Variants in STAT4 observed in about 807,000 individuals in gnomAD.
STAT4 encodes signal transducer and activator of transcription 4.
In STAT4, 42 loss-of-function variants were observed where a neutral mutation model predicts 110.5. The ratio of observed to expected loss-of-function variants is 0.38; its 90% CI spans 0.30 to 0.49. STAT4 has a LOEUF of 0.49. STAT4 is among the 20% of genes least tolerant of loss of function. STAT4 has a pLI of 0.95. For missense variants in STAT4, 632 were observed against 887.9 expected (o/e 0.71, Z 3.66); for synonymous variants, 284 against 302.2 (o/e 0.94, Z 0.63).
intron 4 of STAT4, among the ~76,000 whole-genome samples, chr2:191,074,175 T>A (rs1187234662): frequency 6.6e-6 from 1 of 152,226 alleles, no homozygotes. Flanking sequence ...GCTACTCTAA[T>A]AATCTGATAC....
At chr2:191,120,779 A>T (rs1452137470) in intron 3 of STAT4, among the ~76,000 whole-genome samples, 2 of 152,206 alleles carry the variant, frequency 1.3e-5, no homozygotes, top group African/African-American at 4.8e-5. Context: ...TTAATTCAAG[A>T]TGGATTACTT....
chr2:191,121,668 A>G (rs1698735294), intron 3 of STAT4, among the ~76,000 whole-genome samples: 1 of 151,890 alleles, frequency 6.6e-6, no homozygotes, highest in Non-Finnish European at 1.5e-5. Flanking sequence ...AATTATCGCA[A>G]GGACAAAAAA....
chr2:191,102,511 C>T (rs1003476433), intron 3 of STAT4, among the ~76,000 whole-genome samples: 3 of 152,180 alleles, frequency 2.0e-5, no homozygotes, highest in Non-Finnish European at 4.4e-5. Context: ...CTCACATTCA[C>T]TACAAGCTCC....
rs545386027 is a variant in STAT4, at chr2:191,117,609, G to C, written c.273+29004C>G. Among the ~76,000 whole-genome samples the C allele has an allele frequency of 2.0e-5, 3 of 152,302 alleles. No individual in the cohort carries two copies. Among genetic ancestry groups the C allele is most frequent in the African/African-American group, 7.2e-5 (3 of 41,578 alleles). The stretch of plus-strand genomic sequence containing the variant: ...GATGTGGATTTTAATGACACATAGA[G>C]AAGGACATGGGCTGCAACTTGAAGG... On this transcript the variant is annotated intron_variant, in intron 3 of 23. Transcript: ENST00000392320. This position sits in a 1 kb window ranked among gnomAD's most constrained non-coding sequence, Gnocchi z 5.2.
chr2:191,055,299 T>G (rs1432103616), intron 13 of STAT4, among the ~76,000 whole-genome samples: 4 of 151,226 alleles, frequency 2.6e-5, no homozygotes, highest in Non-Finnish European at 5.9e-5. Flanking sequence ...CCAGGGTTCA[T>G]GCCATTTTCC....
At position 191,035,478 on chromosome 2, in the gene STAT4, T is replaced by C. The variant is rs970234890; in HGVS notation, c.1570+686A>G. Among the ~76,000 whole-genome samples, 2 of 152,232 alleles carry C rather than the reference T, an allele frequency of 1.3e-5. No individual in the cohort carries two copies. Among genetic ancestry groups the C allele is most frequent in the Admixed American group, 1.3e-4 (2 of 15,284 alleles). On this transcript the variant is annotated intron_variant, in intron 17 of 23. Transcript: ENST00000392320. This position sits in a 1 kb window ranked among gnomAD's most constrained non-coding sequence, Gnocchi z 4.7. ...GCCCTAATTTAACTAGAAACGCATATAGATCTAATTTTAACTCTTTTTTTG... is the reference window on the plus strand; with the variant it reads ...GCCCTAATTTAACTAGAAACGCATACAGATCTAATTTTAACTCTTTTTTTG...
At chr2:191,038,115 T>C (rs998716622) in intron 16 of STAT4, among the ~76,000 whole-genome samples, 1 of 152,198 alleles carries the variant, frequency 6.6e-6, no homozygotes, top group Non-Finnish European at 1.5e-5. Context: ...AAGTATCCCA[T>C]CACTCCTTCT....
In STAT4 at chr2:191,043,436, T is replaced by G. The variant is rs115887108; in HGVS notation, c.1252-2288A>C. Among the ~76,000 whole-genome samples, 1 of 152,276 alleles carries G rather than the reference T, an allele frequency of 6.6e-6. No homozygotes were observed. The highest frequency in any genetic ancestry group is 1.5e-5 in the Non-Finnish European group (1 of 68,008). The stretch of plus-strand genomic sequence containing the variant: ...TGGAGTAGAGGAAATGTCAAAGACA[T>G]AAACAAATTGTAATTCTTATATACC... On this transcript the variant is annotated intron_variant, in intron 14 of 23. Transcript: ENST00000392320. The surrounding 1 kb of genome is among the most constrained non-coding windows in gnomAD (Gnocchi z 4.8).
Position 191,057,654 on chromosome 2 carries a change from A to C in STAT4, c.1206+364T>G, listed in dbSNP as rs1430548427. On this transcript the variant is annotated intron_variant, in intron 13 of 23. Coordinates refer to ENST00000392320, the MANE Select transcript of STAT4 (RefSeq NM_003151.4). ...CGCATTGTGGCCTGGGCTGGAGTGC[A>C]CTGGCACGATCTCAGCTCACTGCAA... 2.2e-5 allele frequency among the ~76,000 whole-genome samples: 3 copies of C among 136,398 alleles called. No individual in the cohort carries two copies. The East Asian group carries it at 6.4e-4, about 29-fold the overall frequency. The allele number at this position is 136,398 out of a possible 152,430, so 89.5% of individuals were successfully genotyped here.
upstream of STAT4, chr2:191,151,087 C>T: frequency 1.0e-6 from 1 of 985,480 alleles, no homozygotes; most frequent in Non-Finnish European, 1.2e-6. This position sits in a 1 kb window ranked among gnomAD's most constrained non-coding sequence, Gnocchi z 4.7. Flanking sequence ...CTTTCCTGTG[C>T]GTCAGTGTTC....
At position 191,064,892 on chromosome 2, in the gene STAT4, C is replaced by T. The variant is rs1057075076; in HGVS notation, c.697G>A (p.Glu233Lys). 1.2e-6 allele frequency: 2 copies of T among 1,613,222 alleles called. No individual in the cohort carries two copies. The highest frequency in any genetic ancestry group is 2.7e-5 in the African/African-American group (2 of 74,842). Residue 233 changes from glutamate (E) to lysine (K), a missense_variant, in exon 8 of 24, where the codon GAA becomes AAA. Transcript: ENST00000392320. ...TDLLMNTMLIEELQDWKRRQQ... is the reference protein window; with the variant it reads ...TDLLMNTMLIKELQDWKRRQQ... Reference sequence around the variant, plus strand: ...CGCCGCTTCCAGTCTTGCAGCTCTTCTATGAGCATGGTGTTCATTAACAGG... The same window carrying T: ...CGCCGCTTCCAGTCTTGCAGCTCTTTTATGAGCATGGTGTTCATTAACAGG...
intron 3 of STAT4, among the ~76,000 whole-genome samples, chr2:191,133,862 G>A (rs1234583722): frequency 6.7e-6 from 1 of 148,244 alleles, no homozygotes; most frequent in Non-Finnish European, 1.5e-5. Flanking sequence ...ATTCATAATA[G>A]CCAAAAATGA....
chr2:191,066,576 C>T lies in STAT4; in HGVS notation c.545-61G>A. On this transcript the variant is annotated intron_variant, in intron 6 of 23. Coordinates refer to ENST00000392320, the MANE Select transcript of STAT4 (RefSeq NM_003151.4). The surrounding 1 kb of genome is among the most constrained non-coding windows in gnomAD (Gnocchi z 4.3). ...CTATTCCTGAAAGTCAAGTCAGCCTCAATCCACCATCCTAAAACAGCCCTG... is the reference window on the plus strand; with the variant it reads ...CTATTCCTGAAAGTCAAGTCAGCCTTAATCCACCATCCTAAAACAGCCCTG... The T allele has an allele frequency of 6.6e-7, 1 of 1,514,150 alleles. No homozygotes were observed. Among genetic ancestry groups the T allele is most frequent in the Middle Eastern group, 1.7e-4 (1 of 5,872 alleles). The allele number at this position is 1,514,150 out of a possible 1,614,324, so 93.8% of individuals were successfully genotyped here. A position where few individuals can be genotyped will look rare whatever the true frequency, so the allele number is the denominator to read the frequency against.
At chr2:191,098,845 A>G (rs2125329072) in intron 3 of STAT4, among the ~76,000 whole-genome samples, 1 of 152,292 alleles carries the variant, frequency 6.6e-6, no homozygotes, top group African/African-American at 2.4e-5. Context: ...AATCCCTAGA[A>G]ACTATACAAA....
chr2:191,136,023 C>CAAAAT (rs1491100052), intron 3 of STAT4, among the ~76,000 whole-genome samples: 1 of 29,130 alleles, frequency 3.4e-5, no homozygotes, highest in African/African-American at 1.4e-4. Flanking sequence ...AAAAAAAAAA[C>CAAAAT]CAAAAAACAA....
Position 191,050,241 on chromosome 2 carries a change from C to T in STAT4, c.1251+4249G>A, listed in dbSNP as rs1050279565. 3.3e-5 allele frequency among the ~76,000 whole-genome samples: 5 copies of T among 152,316 alleles called. No individual in the cohort carries two copies. The highest frequency in any genetic ancestry group is 3.3e-4 in the Admixed American group (5 of 15,304). ...CAATAATCACTCTCTAGCTGGCTCC[C>T]TGCTAGATAAGTACCTCCAGGGAAA... On this transcript the variant is annotated intron_variant, in intron 14 of 23. Transcript: ENST00000392320. This position sits in a 1 kb window ranked among gnomAD's most constrained non-coding sequence, Gnocchi z 4.3.
intron 3 of STAT4, among the ~76,000 whole-genome samples, chr2:191,089,251 T>C (rs1697724801): frequency 6.6e-6 from 1 of 152,146 alleles, no homozygotes; most frequent in Non-Finnish European, 1.5e-5. Flanking sequence ...CCAAATACCA[T>C]AATAGATGTC....
rs60276113 is a variant in STAT4 at position 191,055,544 on chromosome 2, G to A, written c.1207-1010C>T. Among the ~76,000 whole-genome samples the A allele has an allele frequency of 6.7e-3, 1,019 of 151,056 alleles. 9 individuals carry two copies. The highest frequency in any genetic ancestry group is 0.032 in the East Asian group (167 of 5,172). On this transcript the variant is annotated intron_variant, in intron 13 of 23. Coordinates refer to ENST00000392320, the MANE Select transcript of STAT4 (RefSeq NM_003151.4). ...AATTTTCTGTATTTTTAGTAGAGACGGGATTTCACCGTGTTAGCCAGGATG... is the reference window on the plus strand; with the variant it reads ...AATTTTCTGTATTTTTAGTAGAGACAGGATTTCACCGTGTTAGCCAGGATG...
At chr2:191,139,499 T>C (rs1699265682) in intron 3 of STAT4, among the ~76,000 whole-genome samples, 2 of 152,010 alleles carry the variant, frequency 1.3e-5, no homozygotes, top group African/African-American at 2.4e-5. Flanking sequence ...CCTTTTACAA[T>C]AGCTGCAAAA....
Sources: gnomAD v4.1 joint callset for allele counts (sites outside exome capture counted in the v4.1 genomes callset) on GRCh38, gnomAD v4.1.1 for gene constraint, Gnocchi (gnomAD v3.1) non-coding constraint, MANE v1.5 for transcripts, NCBI Gene and HGNC (gene_info 2026-07-23, HGNC 2026-07-21) for gene names.